Variants in ADGRB1 observed in about 807,000 individuals in gnomAD.
ADGRB1 encodes the protein adhesion G protein-coupled receptor B1.
In ADGRB1, 36 loss-of-function variants were observed where a neutral mutation model predicts 175.7. That is an observed-to-expected ratio of 0.20 (90% CI 0.16 to 0.27). The LOEUF (loss-of-function observed/expected upper bound fraction) is 0.27. ADGRB1 is among the 10% of genes least tolerant of loss of function. The pLI is 1.00. For missense variants in ADGRB1, 1,731 were observed against 2,255.3 expected (o/e 0.77, Z 4.71); for synonymous variants, 1,054 against 979.4 (o/e 1.08, Z -1.42).
At chr8:142,539,668 T>C (rs1308464410) in intron 27 of ADGRB1, 2 of 573,394 alleles carry the variant, frequency 3.5e-6, no homozygotes, top group East Asian at 5.7e-5. Flanking sequence ...AACACTGCCC[T>C]GGCACTCCTG....
At chr8:142,484,857 G>A in intron 13 of ADGRB1, 93 bp downstream of exon 13, 4 of 966,608 alleles carry the variant, frequency 4.1e-6, no homozygotes, top group South Asian at 1.6e-5. Flanking sequence ...GTATAAAGGG[G>A]CAGTGACCAG....
intron 2 of ADGRB1, among the ~76,000 whole-genome samples, chr8:142,466,056 G>T (rs1366570469): frequency 6.6e-6 from 1 of 152,238 alleles, no homozygotes; most frequent in Non-Finnish European, 1.5e-5. Context: ...TTGCTGACGG[G>T]TGACGTGCAA....
At chr8:142,484,795 T>C (rs769999913) in intron 13 of ADGRB1, 31 bp downstream of exon 13, 1 of 1,498,674 alleles carries the variant, frequency 6.7e-7, no homozygotes, top group Admixed American at 1.9e-5. Flanking sequence ...CCACCCCCCA[T>C]GCCTTGCTTT....
chr8:142,524,144 C>T (rs1587409940), intron 22 of ADGRB1, 94 bp from the exon 23 acceptor site: 2 of 1,389,116 alleles, frequency 1.4e-6, no homozygotes, highest in East Asian at 2.5e-5. Context: ...TCTTCTGCCA[C>T]TTCCCAGCTC....
intron 9 of ADGRB1, among the ~76,000 whole-genome samples, chr8:142,480,000 G>A (rs929559398): frequency 6.6e-6 from 1 of 152,218 alleles, no homozygotes; most frequent in African/African-American, 2.4e-5. Flanking sequence ...CTCGCTAGGG[G>A]CTGGCACCCA....
intron 18 of ADGRB1, among the ~76,000 whole-genome samples, chr8:142,514,280 AG>A (rs1411827796): frequency 6.6e-6 from 1 of 151,800 alleles, no homozygotes; most frequent in Non-Finnish European, 1.5e-5. Flanking sequence ...AGATCCGGGC[AG>A]GGTGGTAGAG....
chr8:142,499,095 G>A (rs1001168399), intron 17 of ADGRB1, among the ~76,000 whole-genome samples: 2 of 152,210 alleles, frequency 1.3e-5, no homozygotes, highest in South Asian at 2.1e-4. Context: ...GGGGGAGCCC[G>A]TGGGCTGCGA....
rs527327155 is a variant in ADGRB1 at position 142,493,776 on chromosome 8, G to A, written c.2675+2961G>A. On this transcript the variant is annotated intron_variant, in intron 17 of 30. Transcript: ENST00000517894. The surrounding 1 kb of genome is among the most constrained non-coding windows in gnomAD (Gnocchi z 5.0). ...CCTGGAGCCCTAGAGGGCGGGCCAC[G>A]GCTGGCAGGGAAGGACTGGGACTGA... Among the ~76,000 whole-genome samples, 7 of 152,356 alleles carry A rather than the reference G, an allele frequency of 4.6e-5. No homozygotes were observed. Among genetic ancestry groups the A allele is most frequent in the East Asian group, 3.9e-4 (2 of 5,188 alleles).
intron 17 of ADGRB1, among the ~76,000 whole-genome samples, chr8:142,505,975 C>G (rs1033540966): frequency 3.9e-5 from 6 of 152,218 alleles, no homozygotes; most frequent in African/African-American, 1.4e-4. Context: ...CGTGCCCTCC[C>G]CATTCATTCA....
chr8:142,454,758 G>A (rs915318691), intron 1 of ADGRB1, among the ~76,000 whole-genome samples: 6 of 152,040 alleles, frequency 3.9e-5, no homozygotes, highest in Non-Finnish European at 7.4e-5. Context: ...GGCTCCGGAC[G>A]TCTCCACTCC....
chr8:142,503,558 T>C (rs985898297), intron 17 of ADGRB1, among the ~76,000 whole-genome samples: 2 of 152,050 alleles, frequency 1.3e-5, no homozygotes, highest in Non-Finnish European at 2.9e-5. Flanking sequence ...GTGCAGCAGG[T>C]GCGGGTCTGC....
rs530552885 is a variant in ADGRB1 at position 142,534,094 on chromosome 8, G to A, written c.3570+628G>A. On this transcript the variant is annotated intron_variant, in intron 25 of 30. Transcript: ENST00000517894. ...GCTGTTGAAAAGCACACAGGTTCCC[G>A]AGGATGAAGAATACAGGAGAAGCCG... Among the ~76,000 whole-genome samples, 5 of 152,344 alleles carry A rather than the reference G, an allele frequency of 3.3e-5. No homozygotes were observed. The South Asian group carries it at 6.2e-4, about 19-fold the overall frequency.
At chr8:142,456,181 C>G (rs1839667847) in intron 1 of ADGRB1, among the ~76,000 whole-genome samples, 1 of 152,164 alleles carries the variant, frequency 6.6e-6, no homozygotes, top group African/African-American at 2.4e-5. Flanking sequence ...GTGCCCATTC[C>G]AGATCTCACG....
intron 17 of ADGRB1, among the ~76,000 whole-genome samples, chr8:142,500,194 GCCCCACACCGCTCCTCCACTTCC>G (rs1842422620): frequency 7.4e-6 from 1 of 134,894 alleles, no homozygotes; most frequent in African/African-American, 3.2e-5. Context: ...TTTCGCCCCC[GCCCCACACCGCTCCTCCACTTCC>G]CCCCGCGCCG....
chr8:142,530,577 C>T (rs1386061739), intron 24 of ADGRB1, among the ~76,000 whole-genome samples: 1 of 152,164 alleles, frequency 6.6e-6, no homozygotes, highest in East Asian at 1.9e-4. Context: ...TGTGCAGATG[C>T]GAGTCGGGGC....
chr8:142,471,515 A>T (rs1216951093), intron 2 of ADGRB1, among the ~76,000 whole-genome samples: 1 of 152,218 alleles, frequency 6.6e-6, no homozygotes, highest in South Asian at 2.1e-4. Flanking sequence ...CACCTGCCTG[A>T]TCAAGAAAAG....
intron 27 of ADGRB1, among the ~76,000 whole-genome samples, chr8:142,541,152 T>G (rs1389294593): frequency 2.0e-5 from 3 of 147,436 alleles, no homozygotes; most frequent in Non-Finnish European, 4.5e-5. Context: ...CTTTGGAGAC[T>G]GGGGCTTGGA....
At position 142,479,508 on chromosome 8, in the gene ADGRB1, G is replaced by A. The variant is rs745459667; in HGVS notation, c.1726+21G>A. On this transcript the variant is annotated intron_variant, in intron 8 of 30. Coordinates refer to ENST00000517894, the MANE Select transcript of ADGRB1 (RefSeq NM_001702.3). ...TCCCGGTGAGGCCCCTCCTACCTGGGCTGGGCTCTGGGGAGGGCTGATGGC... is the reference window on the plus strand; with the variant it reads ...TCCCGGTGAGGCCCCTCCTACCTGGACTGGGCTCTGGGGAGGGCTGATGGC... The A allele has an allele frequency of 2.4e-5, 37 of 1,527,374 alleles. 1 individual carries two copies. The East Asian group carries it at 8.6e-4, about 36-fold the overall frequency. 94.6% of individuals were successfully genotyped at this position (1,527,374 alleles called of 1,614,324 possible).
rs987811929 is a variant in ADGRB1 at position 142,518,301 on chromosome 8, C to G, written c.2921+60C>G. On this transcript the variant is annotated intron_variant, in intron 19 of 30. Coordinates refer to ENST00000517894, the MANE Select transcript of ADGRB1 (RefSeq NM_001702.3). Reference sequence around the variant, plus strand: ...GTGGCTCCTGCATCACACGCCTCTTCCCTTGAAGGTCACGGGCGGGGTCGT... The same window carrying G: ...GTGGCTCCTGCATCACACGCCTCTTGCCTTGAAGGTCACGGGCGGGGTCGT... The G allele has an allele frequency of 1.7e-5, 27 of 1,560,940 alleles. No homozygotes were observed. The African/African-American group carries it at 3.5e-4, about 20-fold the overall frequency.
Sources: allele counts gnomAD v4.1 joint callset (sites outside exome capture counted in the v4.1 genomes callset), GRCh38; gene constraint gnomAD v4.1.1; non-coding constraint Gnocchi (gnomAD v3.1); transcripts MANE v1.5; gene names NCBI Gene and HGNC (gene_info 2026-07-23, HGNC 2026-07-21).